Variants in LACTB2 observed in about 807,000 individuals in gnomAD.
LACTB2 encodes endoribonuclease LACTB2.
Under a neutral mutation model 34.8 loss-of-function variants are expected in LACTB2, and 32 were observed. The observed-to-expected ratio is 0.92, with a 90% confidence interval of 0.69 to 1.24. LACTB2 has a LOEUF of 1.24. Among genes scored for constraint, LACTB2 ranks in the 50% most tolerant of loss-of-function variants. The pLI is 0.00. For synonymous variants in LACTB2, 120 were observed against 117.5 expected (o/e 1.02, Z -0.14); for missense variants, 320 against 345.0 (o/e 0.93, Z 0.57).
intron 1 of LACTB2, among the ~76,000 whole-genome samples, chr8:70,668,089 T>C (rs1818560003): frequency 6.6e-6 from 1 of 152,232 alleles, no homozygotes; most frequent in African/African-American, 2.4e-5. Flanking sequence ...GCAGGTCTGC[T>C]GCTTCTAAAA....
intron 3 of LACTB2, among the ~76,000 whole-genome samples, chr8:70,650,932 AATATT>A (rs1368769244): frequency 2.0e-5 from 3 of 151,972 alleles, no homozygotes; most frequent in Non-Finnish European, 4.4e-5. Context: ...AGAATGCTCC[AATATT>A]ATAAGATCCC....
intron 1 of LACTB2, among the ~76,000 whole-genome samples, chr8:70,663,536 G>A (rs1406104322): frequency 2.0e-5 from 3 of 152,218 alleles, no homozygotes; most frequent in African/African-American, 7.2e-5. Context: ...ATAGGGTTCT[G>A]TTGGTAGTGG....
In LACTB2 at chr8:70,638,543, C is replaced by G. The variant is rs745974839; in HGVS notation, c.823+5G>C. On this transcript the variant is annotated splice_donor_5th_base_variant and intron_variant, in intron 6 of 6. Transcript: ENST00000276590. Reference sequence around the variant, plus strand: ...TAATAGAAGAAAATTTGGAAGCATACTCACATATTTTTCCTTCTTTTTCTA... The same window carrying G: ...TAATAGAAGAAAATTTGGAAGCATAGTCACATATTTTTCCTTCTTTTTCTA... 4 of 1,524,374 alleles carry G rather than the reference C, an allele frequency of 2.6e-6. No homozygotes were observed. In the South Asian group the frequency reaches 3.8e-5, roughly 14 times the overall value. 94.4% of individuals were successfully genotyped at this position (1,524,374 alleles called of 1,614,324 possible).
chr8:70,668,877 G>C (rs1818580086), intron 1 of LACTB2, 122 bp downstream of exon 1: 1 of 1,358,964 alleles, frequency 7.4e-7, no homozygotes, highest in South Asian at 1.4e-5. Context: ...GCTGCTAGGC[G>C]CGGGGCTGCC....
At chr8:70,650,238 T>A (rs755553397) in intron 3 of LACTB2, among the ~76,000 whole-genome samples, 15 of 152,266 alleles carry the variant, frequency 9.9e-5, no homozygotes, top group Non-Finnish European at 1.5e-4. Context: ...TAAAAAATAA[T>A]CTATAAAAAG....
intron 3 of LACTB2, among the ~76,000 whole-genome samples, chr8:70,645,663 G>A (rs1818255423): frequency 9.3e-6 from 1 of 107,020 alleles, no homozygotes; most frequent in Non-Finnish European, 1.8e-5. Context: ...CCCCACAATA[G>A]GCCCCGGTGT....
rs1287747052 is a variant in LACTB2 at position 70,657,766 on chromosome 8, C to T, written c.403G>A (p.Ala135Thr). 1 of 1,611,854 alleles carries T rather than the reference C, an allele frequency of 6.2e-7. No individual in the cohort carries two copies. Among genetic ancestry groups the T allele is most frequent in the East Asian group, 2.2e-5 (1 of 44,788 alleles). Residue 135 changes from alanine (A) to threonine (T), a missense_variant, in exon 3 of 7, where the codon GCC (alanine) becomes ACC (threonine). Ala to Thr is a moderately conservative substitution (Grantham distance 58). Coordinates refer to ENST00000276590, the MANE Select transcript of LACTB2 (RefSeq NM_016027.3). The stretch of plus-strand genomic sequence containing the variant: ...GGGACATTTACTTACCTTAGAGTGG[C>T]TCCCTCAGTCTTAATCACATCTCCA... ...KDGDVIKTEG[A>T]TLRVLYTPGH...
In LACTB2 at chr8:70,638,551, T is replaced by C. The variant is rs1419299781; in HGVS notation, c.820A>G (p.Ile274Val). The C allele has an allele frequency of 6.6e-7, 1 of 1,522,682 alleles. No homozygotes were observed. The highest frequency in any genetic ancestry group is 1.4e-5 in the African/African-American group (1 of 69,120). 94.3% of individuals were successfully genotyped at this position (1,522,682 alleles called of 1,614,324 possible). ...HLKKLEKEGK[I>V]FSNTDPDKKW... The stretch of plus-strand genomic sequence containing the variant: ...GAAAATTTGGAAGCATACTCACATA[T>C]TTTTCCTTCTTTTTCTAGTTTTTTC... The change falls in exon 6 of 7, where the codon ATA becomes GTA. Residue 274 changes from isoleucine to valine, a missense_variant. Coordinates refer to ENST00000276590, the MANE Select transcript of LACTB2 (RefSeq NM_016027.3).
At chr8:70,656,201 GTTTATC>G (rs1424838969) in intron 3 of LACTB2, among the ~76,000 whole-genome samples, 1 of 152,130 alleles carries the variant, frequency 6.6e-6, no homozygotes. Flanking sequence ...AGTCCCAACT[GTTTATC>G]TTTGTTTTTA....
chr8:70,656,038 G>C (rs1332008334), intron 3 of LACTB2, among the ~76,000 whole-genome samples: 1 of 151,952 alleles, frequency 6.6e-6, no homozygotes, highest in Admixed American at 6.6e-5. Flanking sequence ...TGATGGGCTT[G>C]TTTTTTTCTT....
At chr8:70,668,748 G>GTTTTGTTTTTTTTTTTTTTTTTTTTTTTT (rs1818573098) in intron 1 of LACTB2, among the ~76,000 whole-genome samples, 1 of 103,732 alleles carries the variant, frequency 9.6e-6, no homozygotes, top group Non-Finnish European at 1.9e-5. Context: ...CAAAACAGAA[G>GTTTTGTTTTTTTTTTTTTTTTTTTTTTTT]TTTTTTTTTT....
chr8:70,662,093 A>G, intron 1 of LACTB2, 196 bp from the exon 2 acceptor site: 1 of 480,282 alleles, frequency 2.1e-6, no homozygotes, highest in Non-Finnish European at 3.7e-6. Context: ...AATTAGAGCT[A>G]AATATAAGTC....
intron 3 of LACTB2, among the ~76,000 whole-genome samples, chr8:70,655,571 T>TAC (rs1818400862): frequency 6.6e-6 from 1 of 152,146 alleles, no homozygotes; most frequent in African/African-American, 2.4e-5. Context: ...CATATATATA[T>TAC]ACCACAGTTT....
intron 3 of LACTB2, among the ~76,000 whole-genome samples, chr8:70,650,955 C>T (rs1263005592): frequency 6.6e-6 from 1 of 151,768 alleles, no homozygotes; most frequent in Non-Finnish European, 1.5e-5. Context: ...CCCTGAAAAT[C>T]ATAGTAAAGA....
At chr8:70,654,135 C>CA (rs1449122173) in intron 3 of LACTB2, among the ~76,000 whole-genome samples, 2 of 152,092 alleles carry the variant, frequency 1.3e-5, no homozygotes, top group African/African-American at 4.8e-5. Context: ...AAAATTTATA[C>CA]AAAAGCTGGA....
intron 5 of LACTB2, among the ~76,000 whole-genome samples, chr8:70,639,406 C>G (rs886344520): frequency 1.3e-5 from 2 of 148,160 alleles, no homozygotes; most frequent in Non-Finnish European, 3.0e-5. Flanking sequence ...GTGATCCGCC[C>G]GCCTCGGCCT....
intron 1 of LACTB2, among the ~76,000 whole-genome samples, chr8:70,668,083 G>T (rs574554208): frequency 1.2e-4 from 19 of 152,254 alleles, no homozygotes; most frequent in African/African-American, 4.1e-4. Flanking sequence ...CACTTTGCAG[G>T]TCTGCTGCTT....
At chr8:70,662,259 C>T (rs1042107902) in intron 1 of LACTB2, 1 of 159,900 alleles carries the variant, frequency 6.3e-6, no homozygotes, top group Admixed American at 6.1e-5. Context: ...GTAACTTGCC[C>T]AGGTTACTCT....
intron 3 of LACTB2, among the ~76,000 whole-genome samples, 167 bp from the exon 4 acceptor site, chr8:70,644,410 TTC>T (rs1450568713): frequency 6.6e-6 from 1 of 152,142 alleles, no homozygotes; most frequent in Non-Finnish European, 1.5e-5. Flanking sequence ...CATTAGAAAA[TTC>T]TCTCCTTTAA....
Sources: allele counts gnomAD v4.1 joint callset (sites outside exome capture counted in the v4.1 genomes callset), GRCh38; gene constraint gnomAD v4.1.1; transcripts MANE v1.5; gene names NCBI Gene and HGNC (gene_info 2026-07-23, HGNC 2026-07-21).